Variants in NCAPH2 observed in about 807,000 individuals in gnomAD.
NCAPH2 encodes the protein condensin-2 complex subunit H2.
A neutral mutation model predicts 88.6 loss-of-function variants in NCAPH2; 56 were observed. The ratio of observed to expected loss-of-function variants is 0.63; its 90% CI spans 0.51 to 0.79. The LOEUF (loss-of-function observed/expected upper bound fraction) is 0.79, where lower values mean the gene tolerates loss of function less well. Ranked by LOEUF, NCAPH2 falls within the 30% of genes least tolerant of loss-of-function variation. The probability of loss-of-function intolerance (pLI) is 0.00; values close to 1 mark genes in which losing one functional copy is unlikely to be tolerated. For missense variants in NCAPH2, 794 were observed against 792.0 expected (o/e 1.00, Z -0.03); for synonymous variants, 378 against 313.6 (o/e 1.21, Z -2.17).
At chr22:50,516,087 T>A (rs1369169819) in intron 1 of NCAPH2, among the ~76,000 whole-genome samples, 1 of 152,144 alleles carries the variant, frequency 6.6e-6, no homozygotes, top group Non-Finnish European at 1.5e-5. Context: ...GCATTTTATC[T>A]CTGCCTTTCC....
Position 50,523,539 on chromosome 22 carries a change from C to T in NCAPH2, c.*164C>T, listed in dbSNP as rs190241660. On this transcript the variant is annotated 3_prime_UTR_variant, in exon 20 of 20. Transcript: ENST00000420993. ...AGAGGGCTGCCTGGCCTCCCTGGGC[C>T]GCTGGTACAGATCACACACACACAC... 3.8e-5 allele frequency: 60 copies of T among 1,580,162 alleles called. No individual in the cohort carries two copies. Among genetic ancestry groups the T allele is most frequent in the African/African-American group, 1.3e-4 (10 of 74,332 alleles).
chr22:50,523,819 A>C lies in NCAPH2; in HGVS notation c.*444A>C, dbSNP rs747200175. On this transcript the variant is annotated 3_prime_UTR_variant, in exon 20 of 20. Transcript: ENST00000420993. ...GCGGTAACTGTGACTAGCCTGGGCAACCTGTTTGGTGGAGCCGGTCAGACC... is the reference window on the plus strand; with the variant it reads ...GCGGTAACTGTGACTAGCCTGGGCACCCTGTTTGGTGGAGCCGGTCAGACC... 1 of 1,613,974 alleles carries C rather than the reference A, an allele frequency of 6.2e-7. No homozygotes were observed. The highest frequency in any genetic ancestry group is 8.5e-7 in the Non-Finnish European group (1 of 1,180,026).
intron 8 of NCAPH2, 51 bp from the exon 9 acceptor site, chr22:50,519,139 G>A (rs377513651): frequency 1.9e-4 from 285 of 1,499,136 alleles, no homozygotes; most frequent in Non-Finnish European, 2.2e-4. Context: ...CTTTGGTGCC[G>A]TCTGGTCTCG....
Position 50,518,195 on chromosome 22 carries a change from C to T in NCAPH2, c.563C>T (p.Pro188Leu). Residue 188 changes from proline to leucine, a missense_variant, in exon 7 of 20, where the codon CCC becomes CTC. Physicochemically the swap from Pro to Leu is moderately conservative, Grantham distance 98. This residue lies in a region of NCAPH2 where 735 missense variants were observed against 696.3 expected (regional missense o/e 1.06). Coordinates refer to ENST00000420993, the MANE Select transcript of NCAPH2 (RefSeq NM_152299.4). ...DFRMNTCVPH[P>L]RGAFMLEPEG... ...AGGATGAACACGTGCGTTCCCCACCCCAGAGGGGCCTTCATGTTGGAGCCA... is the reference window on the plus strand; with the variant it reads ...AGGATGAACACGTGCGTTCCCCACCTCAGAGGGGCCTTCATGTTGGAGCCA... The T allele has an allele frequency of 1.2e-6, 2 of 1,614,078 alleles. No individual in the cohort carries two copies. The highest frequency in any genetic ancestry group is 8.5e-7 in the Non-Finnish European group (1 of 1,180,016).
rs1018082238 is a variant in NCAPH2, at chr22:50,519,698, C to G, written c.861+378C>G. 3 of 1,084,984 alleles carry G rather than the reference C, an allele frequency of 2.8e-6. No individual in the cohort carries two copies. The African/African-American group carries it at 4.9e-5, about 18-fold the overall frequency. The allele number at this position is 1,084,984 out of a possible 1,614,324, so 67.2% of individuals were successfully genotyped here. A position where few individuals can be genotyped will look rare whatever the true frequency, so the allele number is the denominator to read the frequency against. On this transcript the variant is annotated intron_variant, in intron 9 of 19. Transcript: ENST00000420993. ...CTCAACCCCCGGGGTCAACTGTACC[C>G]AGCCTAGAGCCAAGAAATCCTTCCT... is the stretch of plus-strand genomic sequence containing the variant.
chr22:50,522,951 T>G (rs1201749821), intron 18 of NCAPH2, 29 bp downstream of exon 18: 1 of 1,612,384 alleles, frequency 6.2e-7, no homozygotes, highest in Non-Finnish European at 8.5e-7. Flanking sequence ...GAACCAGAGC[T>G]GTGTGCCACG....
Position 50,524,666 on chromosome 22 carries a change from C to T in NCAPH2, c.*1291C>T, listed in dbSNP as rs1335538248. Reference sequence around the variant, plus strand: ...TCACCAGCCTGTCACCGCACCCTGCCCTGCACCTGCACCTCAGCAAGGTGA... The same window carrying T: ...TCACCAGCCTGTCACCGCACCCTGCTCTGCACCTGCACCTCAGCAAGGTGA... On this transcript the variant is annotated 3_prime_UTR_variant, in exon 20 of 20. Transcript: ENST00000420993. The T allele has an allele frequency of 8.8e-6, 6 of 683,786 alleles. No homozygotes were observed. The highest frequency in any genetic ancestry group is 2.0e-5 in the Admixed American group (1 of 48,916). The allele number at this position is 683,786 out of a possible 1,614,324, so 42.4% of individuals were successfully genotyped here.
chr22:50,523,846 AAC>A lies in NCAPH2; in HGVS notation c.*473_*474del, dbSNP rs1354986828. 1.2e-6 allele frequency: 2 copies of A among 1,613,886 alleles called. No homozygotes were observed. Among genetic ancestry groups the A allele is most frequent in the Non-Finnish European group, 1.7e-6 (2 of 1,180,026 alleles). On this transcript the variant is annotated 3_prime_UTR_variant, in exon 20 of 20. Coordinates refer to ENST00000420993, the MANE Select transcript of NCAPH2 (RefSeq NM_152299.4). ...CTGTTTGGTGGAGCCGGTCAGACCCAACAGTCTTGGGTGGAAGTCCTGGACGT... is the reference window on the plus strand; with the variant it reads ...CTGTTTGGTGGAGCCGGTCAGACCCAAGTCTTGGGTGGAAGTCCTGGACGT...
chr22:50,522,858 A>G lies in NCAPH2; in HGVS notation c.1463A>G (p.Glu488Gly). ...FIATSQKFVQETELSQRIRDW... is the reference protein window; with the variant it reads ...FIATSQKFVQGTELSQRIRDW... ...GCCACCTCCCAGAAGTTTGTCCAGGAGACAGAGCTGAGCCAGCGCATCAGG... is the reference window on the plus strand; with the variant it reads ...GCCACCTCCCAGAAGTTTGTCCAGGGGACAGAGCTGAGCCAGCGCATCAGG... The change falls in exon 18 of 20, where the codon GAG becomes GGG. Residue 488 changes from glutamate to glycine, a missense_variant. This residue lies in a region of NCAPH2 where 735 missense variants were observed against 696.3 expected (regional missense o/e 1.06). Transcript: ENST00000420993. 4 of 1,613,466 alleles carry G rather than the reference A, an allele frequency of 2.5e-6. No individual in the cohort carries two copies. The highest frequency in any genetic ancestry group is 3.4e-6 in the Non-Finnish European group (4 of 1,179,992).
chr22:50,516,395 C>T (rs2032424), intron 1 of NCAPH2, 52 bp from the exon 2 acceptor site: 85,867 of 1,562,538 alleles, frequency 0.055, 2,762 homozygotes, highest in Non-Finnish European at 0.064. Context: ...CTGGAAGAAG[C>T]GAGTGCAGAC....
chr22:50,519,803 T>G, intron 9 of NCAPH2: 2 of 935,064 alleles, frequency 2.1e-6, no homozygotes, highest in Non-Finnish European at 2.6e-6. Flanking sequence ...GTAGATGGCA[T>G]GGATATTTGT....
rs1470981109 is a variant in NCAPH2 at position 50,523,619 on chromosome 22, G to C, written c.*244G>C. 17 of 1,613,438 alleles carry C rather than the reference G, an allele frequency of 1.1e-5. No individual in the cohort carries two copies. Among genetic ancestry groups the C allele is most frequent in the Non-Finnish European group, 1.4e-5 (16 of 1,179,984 alleles). ...GCCCAGACTGCAGTGGCTCAAGACAGGACACTGCGGAAAGCCGCCATGTGC... is the reference window on the plus strand; with the variant it reads ...GCCCAGACTGCAGTGGCTCAAGACACGACACTGCGGAAAGCCGCCATGTGC... On this transcript the variant is annotated 3_prime_UTR_variant, in exon 20 of 20. Transcript: ENST00000420993.
rs1239876450 is a variant in NCAPH2 at position 50,522,233 on chromosome 22, G to T, written c.1215G>T (p.Arg405=). 6.2e-7 allele frequency: 1 copy of T among 1,613,856 alleles called. No individual in the cohort carries two copies. The highest frequency in any genetic ancestry group is 2.2e-5 in the East Asian group (1 of 44,886). The part of the protein sequence containing the change: ...THVKEQLETL[R]KLQRREVAEQ... ...TGAAGGAGCAGTTGGAAACTCTCCG[G>T]AAGCTGCAGAGGAGGGAGGCAAGTC... The change falls in exon 14 of 20, where the codon CGG becomes CGT. Residue 405 remains arginine, a synonymous_variant. Coordinates refer to ENST00000420993, the MANE Select transcript of NCAPH2 (RefSeq NM_152299.4).
At chr22:50,508,480 G>T (rs1330538945) in intron 1 of NCAPH2, 35 bp downstream of exon 1, 3 of 1,209,760 alleles carry the variant, frequency 2.5e-6, no homozygotes, top group African/African-American at 3.2e-5. Context: ...GGGGTGGGCC[G>T]GCGGGTGGGG....
At chr22:50,521,876 C>A (rs1212517708) in intron 12 of NCAPH2, 28 bp downstream of exon 12, 12 of 1,613,370 alleles carry the variant, frequency 7.4e-6, no homozygotes, top group Non-Finnish European at 1.0e-5. Context: ...GCACTCCGGA[C>A]CACTGGGAGC....
chr22:50,508,850 G>A (rs1390664565), intron 1 of NCAPH2, among the ~76,000 whole-genome samples: 1 of 152,246 alleles, frequency 6.6e-6, no homozygotes, highest in Admixed American at 6.5e-5. Flanking sequence ...CCAATTTCAA[G>A]CTATTGCCAT....
intron 1 of NCAPH2, among the ~76,000 whole-genome samples, chr22:50,514,153 T>C (rs1181561623): frequency 1.3e-5 from 2 of 152,098 alleles, no homozygotes; most frequent in Non-Finnish European, 2.9e-5. Context: ...GTTGGGACCA[T>C]AGAGCAGAGG....
At chr22:50,521,189 T>C (rs1269866621) in intron 10 of NCAPH2, among the ~76,000 whole-genome samples, 153 bp downstream of exon 10, 1 of 152,214 alleles carries the variant, frequency 6.6e-6, no homozygotes, top group Non-Finnish European at 1.5e-5. Context: ...CTCATGCGAC[T>C]CTGGGCTCCC....
At chr22:50,514,355 G>T (rs192820245) in intron 1 of NCAPH2, among the ~76,000 whole-genome samples, 4 of 152,210 alleles carry the variant, frequency 2.6e-5, no homozygotes, top group African/African-American at 9.6e-5. Flanking sequence ...AGGTGAAAGG[G>T]GAGGTGGTGG....
Sources: allele counts gnomAD v4.1 joint callset (sites outside exome capture counted in the v4.1 genomes callset), GRCh38; gene constraint gnomAD v4.1.1; regional missense constraint gnomAD v4.1.1; transcripts MANE v1.5; gene names NCBI Gene and HGNC (gene_info 2026-07-23, HGNC 2026-07-21).